MALRD1: variants seen among roughly 807,000 people sequenced by gnomAD.
MALRD1 encodes the protein MAM and LDL-receptor class A domain-containing protein 1.
Under a neutral mutation model 242.1 loss-of-function variants are expected in MALRD1, and 247 were observed. That is an observed-to-expected ratio of 1.02 (90% CI 0.92 to 1.13). The LOEUF (loss-of-function observed/expected upper bound fraction) is 1.13. MALRD1 is among the 50% of genes most tolerant of loss of function. The pLI is 0.00. For synonymous variants in MALRD1, 995 were observed against 866.6 expected (o/e 1.15, Z -2.60); for missense variants, 2,989 against 2,533.1 (o/e 1.18, Z -3.86).
At chr10:19,351,570 G>T (rs966478547) in intron 25 of MALRD1, among the ~76,000 whole-genome samples, 6 of 152,032 alleles carry the variant, frequency 3.9e-5, no homozygotes, top group Non-Finnish European at 7.4e-5. Flanking sequence ...AGCAAAAGAA[G>T]AAAATAAAAT....
At chr10:19,539,887 TGTGTGTGTGTGC>T (rs1294226138) in intron 32 of MALRD1, among the ~76,000 whole-genome samples, 1 of 82,430 alleles carries the variant, frequency 1.2e-5, no homozygotes, top group South Asian at 4.1e-4. Context: ...TGTGTGTGTG[TGTGTGTGTGTGC>T]GCGCGCGCGT....
At chr10:19,096,649 T>A (rs571389874) in intron 4 of MALRD1, among the ~76,000 whole-genome samples, 1 of 152,240 alleles carries the variant, frequency 6.6e-6, no homozygotes, top group African/African-American at 2.4e-5. Context: ...CTGAAAAGAT[T>A]TTGTGAGGGG....
chr10:19,687,090 A>G (rs932824067), intron 36 of MALRD1, among the ~76,000 whole-genome samples: 3 of 151,846 alleles, frequency 2.0e-5, no homozygotes, highest in African/African-American at 7.3e-5. Context: ...ATAATTTCCT[A>G]TAATAAGATG....
At chr10:19,558,756 A>G (rs1835834764) in intron 32 of MALRD1, among the ~76,000 whole-genome samples, 1 of 152,106 alleles carries the variant, frequency 6.6e-6, no homozygotes, top group African/African-American at 2.4e-5. Flanking sequence ...GTTATTAATA[A>G]TTGATTGAAT....
chr10:19,053,183 G>C (rs1247203017), intron 1 of MALRD1, among the ~76,000 whole-genome samples: 1 of 152,194 alleles, frequency 6.6e-6, no homozygotes, highest in Non-Finnish European at 1.5e-5. Flanking sequence ...AGCTCTTGGA[G>C]TCTTTGGTGG....
chr10:19,561,063 T>C (rs1335440784), intron 32 of MALRD1, among the ~76,000 whole-genome samples: 3 of 152,144 alleles, frequency 2.0e-5, no homozygotes, highest in Non-Finnish European at 4.4e-5. Flanking sequence ...GAATTGGGCA[T>C]TTGAGAAATA....
intron 28 of MALRD1, among the ~76,000 whole-genome samples, chr10:19,410,418 A>G (rs937214844): frequency 6.6e-6 from 1 of 152,164 alleles, no homozygotes; most frequent in Non-Finnish European, 1.5e-5. Flanking sequence ...ACTACTTAAA[A>G]CGTATAGATG....
chr10:19,416,144 T>G (rs1261670222), intron 28 of MALRD1, among the ~76,000 whole-genome samples: 1 of 152,176 alleles, frequency 6.6e-6, no homozygotes, highest in East Asian at 1.9e-4. Flanking sequence ...GATCTGGAGT[T>G]CTACTTAATT....
intron 21 of MALRD1, chr10:19,290,190 A>G (rs563500153): frequency 1.3e-5 from 2 of 152,286 alleles, no homozygotes; most frequent in African/African-American, 2.4e-5. Flanking sequence ...TTAATGGACT[A>G]TCCTTGGTAC....
chr10:19,343,126 A>T (rs987534024), intron 24 of MALRD1, among the ~76,000 whole-genome samples: 8 of 152,044 alleles, frequency 5.3e-5, no homozygotes, highest in African/African-American at 1.9e-4. Flanking sequence ...AGTGTGAAAA[A>T]TTTTGTTTAA....
chr10:19,139,829 G>A (rs1042074037), intron 10 of MALRD1, among the ~76,000 whole-genome samples: 3 of 152,044 alleles, frequency 2.0e-5, no homozygotes, highest in Non-Finnish European at 2.9e-5. Flanking sequence ...AGAACCAAAA[G>A]CTACATGGAA....
intron 2 of MALRD1, among the ~76,000 whole-genome samples, chr10:19,087,162 T>C (rs1835696405): frequency 6.6e-6 from 1 of 152,026 alleles, no homozygotes; most frequent in African/African-American, 2.4e-5. Context: ...AAAATGGTGG[T>C]GTTTGTCCAA....
At chr10:19,576,870 G>T (rs1034146616) in intron 33 of MALRD1, among the ~76,000 whole-genome samples, 1 of 151,520 alleles carries the variant, frequency 6.6e-6, no homozygotes, top group South Asian at 2.1e-4. Flanking sequence ...TAACTTTGCA[G>T]TTCTTCTATA....
At position 19,591,763 on chromosome 10, in the gene MALRD1, G is replaced by A. The variant is rs374280759; in HGVS notation, c.5681-3431G>A. ...TCTGCCCACCTCAGCCTCCCAAACTGTTGGGATTACAGGCATGAGCCGCTA... is the reference window on the plus strand; with the variant it reads ...TCTGCCCACCTCAGCCTCCCAAACTATTGGGATTACAGGCATGAGCCGCTA... On this transcript the variant is annotated intron_variant, in intron 33 of 39. Coordinates refer to ENST00000454679, the MANE Select transcript of MALRD1 (RefSeq NM_001142308.3). 7.2e-5 allele frequency among the ~76,000 whole-genome samples: 11 copies of A among 152,220 alleles called. No homozygotes were observed. The South Asian group carries it at 2.3e-3, about 32-fold the overall frequency.
intron 5 of MALRD1, among the ~76,000 whole-genome samples, chr10:19,119,932 A>G (rs1837002505): frequency 6.6e-6 from 1 of 152,198 alleles, no homozygotes; most frequent in Non-Finnish European, 1.5e-5. Context: ...TCACTGTCTC[A>G]GTCATACTTT....
At chr10:19,106,217 A>T (rs976667115) in intron 5 of MALRD1, among the ~76,000 whole-genome samples, 1 of 151,626 alleles carries the variant, frequency 6.6e-6, no homozygotes, top group African/African-American at 2.4e-5. Flanking sequence ...CATGAGATCA[A>T]TTTGTTTTTA....
chr10:19,612,681 G>A (rs1022767440), intron 35 of MALRD1, among the ~76,000 whole-genome samples: 2 of 151,910 alleles, frequency 1.3e-5, no homozygotes, highest in African/African-American at 4.8e-5. Flanking sequence ...CTGCTTCTAA[G>A]CTGGCTTCAG....
intron 1 of MALRD1, among the ~76,000 whole-genome samples, chr10:19,054,374 C>A (rs1185098811): frequency 6.6e-6 from 1 of 152,056 alleles, no homozygotes; most frequent in Admixed American, 6.6e-5. Flanking sequence ...CATTGGAAAT[C>A]CATTTGCAAG....
intron 28 of MALRD1, among the ~76,000 whole-genome samples, chr10:19,437,340 G>A (rs370332277): frequency 5.9e-5 from 9 of 151,644 alleles, no homozygotes; most frequent in African/African-American, 1.9e-4. Context: ...TTTCAGTTGC[G>A]AGGGCCCTGA....
Sources: gnomAD v4.1 joint callset for allele counts (sites outside exome capture counted in the v4.1 genomes callset) on GRCh38, gnomAD v4.1.1 for gene constraint, MANE v1.5 for transcripts, NCBI Gene and HGNC (gene_info 2026-07-23, HGNC 2026-07-21) for gene names.